The following PALM2AKAP2 variants were observed in gnomAD, a reference collection of about 807,000 sequenced individuals.
PALM2AKAP2 encodes the protein PALM2-AKAP2 fusion protein.
PALM2AKAP2 carries 37 observed loss-of-function variants against 71.5 expected under a neutral mutation model. The observed-to-expected ratio is 0.52, with a 90% confidence interval of 0.40 to 0.68. The LOEUF (loss-of-function observed/expected upper bound fraction) is 0.68, where lower values mean the gene tolerates loss of function less well. Among genes scored for constraint, PALM2AKAP2 ranks in the 30% least tolerant of loss-of-function variants. The probability of loss-of-function intolerance (pLI) is 0.00; values close to 1 mark genes in which losing one functional copy is unlikely to be tolerated. For synonymous variants in PALM2AKAP2, 468 were observed against 478.8 expected (o/e 0.98, Z 0.29); for missense variants, 1,224 against 1,191.8 (o/e 1.03, Z -0.40).
intron 1 of PALM2AKAP2, among the ~76,000 whole-genome samples, chr9:109,723,320 C>A (rs934806503): frequency 6.6e-6 from 1 of 152,180 alleles, no homozygotes; most frequent in Non-Finnish European, 1.5e-5. Flanking sequence ...CCAGCACCGA[C>A]CTTATGTAGC....
chr9:109,757,076 T>G lies in PALM2AKAP2; in HGVS notation c.6-23412T>G, dbSNP rs191742431. On this transcript the variant is annotated intron_variant, in intron 1 of 6. Transcript: ENST00000374531. ...ACATAACGTGTTCTATCTATCTGTA[T>G]GTTTGCGCCTATTCGCCAACCACTC... 2.0e-4 allele frequency among the ~76,000 whole-genome samples: 31 copies of G among 152,256 alleles called. No homozygotes were observed. The East Asian group carries it at 5.6e-3, about 28-fold the overall frequency.
chr9:109,965,075 T>G (rs190026505), intron 6 of PALM2AKAP2, among the ~76,000 whole-genome samples: 1 of 152,290 alleles, frequency 6.6e-6, no homozygotes, highest in Admixed American at 6.5e-5. Context: ...GAAAATAAAA[T>G]GTTTATTAGT....
chr9:109,988,824 C>A (rs1231600707), intron 6 of PALM2AKAP2, among the ~76,000 whole-genome samples: 1 of 152,178 alleles, frequency 6.6e-6, no homozygotes, highest in African/African-American at 2.4e-5. Context: ...CCCATAATTC[C>A]CACTTGTTTC....
intron 6 of PALM2AKAP2, among the ~76,000 whole-genome samples, chr9:109,969,606 G>A (rs940132814): frequency 2.6e-5 from 4 of 152,318 alleles, no homozygotes; most frequent in South Asian, 4.1e-4. Flanking sequence ...ATCATCACTG[G>A]TTCTCACTGG....
chr9:109,651,178 G>T (rs1229022214), intron 1 of PALM2AKAP2, among the ~76,000 whole-genome samples: 1 of 152,146 alleles, frequency 6.6e-6, no homozygotes, highest in East Asian at 1.9e-4. Context: ...TCAATGGAAG[G>T]CACCAGCAGG....
intron 1 of PALM2AKAP2, among the ~76,000 whole-genome samples, chr9:109,838,357 C>G (rs1828544281): frequency 6.6e-6 from 1 of 152,198 alleles, no homozygotes; most frequent in Non-Finnish European, 1.5e-5. Context: ...ATACCAGAAT[C>G]TCCGGGACAT....
At chr9:110,112,368 G>T (rs1156468937) in intron 1 of PALM2AKAP2, among the ~76,000 whole-genome samples, 1 of 152,104 alleles carries the variant, frequency 6.6e-6, no homozygotes, top group Admixed American at 6.5e-5. Flanking sequence ...GTGTCTTTGG[G>T]CAAATTACTT....
At chr9:109,881,548 A>G (rs940929987) in intron 3 of PALM2AKAP2, among the ~76,000 whole-genome samples, 3 of 152,188 alleles carry the variant, frequency 2.0e-5, no homozygotes, top group Admixed American at 6.5e-5. Flanking sequence ...TCTAAAAATT[A>G]ACTTTGTATT....
At chr9:109,902,200 G>T (rs553672969) in intron 3 of PALM2AKAP2, among the ~76,000 whole-genome samples, 1 of 152,274 alleles carries the variant, frequency 6.6e-6, no homozygotes, top group South Asian at 2.1e-4. Context: ...TGCAAAGTGG[G>T]AATCAATGAT....
intron 5 of PALM2AKAP2, 63 bp downstream of exon 5, chr9:109,925,145 A>G (rs1288894390): frequency 6.2e-7 from 1 of 1,606,972 alleles, no homozygotes; most frequent in Non-Finnish European, 8.5e-7. Context: ...AGGGGGTTTC[A>G]TTAACAGGGG....
upstream of PALM2AKAP2, among the ~76,000 whole-genome samples, chr9:109,779,618 A>G (rs1409647169): frequency 6.6e-6 from 1 of 152,218 alleles, no homozygotes; most frequent in Non-Finnish European, 1.5e-5. Flanking sequence ...TCTAGCACCC[A>G]GGACTAAAAA....
rs747873941 is a variant in PALM2AKAP2 at position 110,136,833 on chromosome 9, A to G, written c.863A>G (p.His288Arg). Residue 288 changes from histidine to arginine, a missense_variant, in exon 2 of 4, where the codon CAT (histidine) becomes CGT (arginine). His to Arg is a conservative substitution (Grantham distance 29, BLOSUM62 0). Coordinates refer to ENST00000374525, the Ensembl canonical transcript of PALM2AKAP2. Reference sequence around the variant, plus strand: ...TCCAAGCTCTTTGAGGATGACGAGCATGAGAAAGAACAATACTGCATTAGA... The same window carrying G: ...TCCAAGCTCTTTGAGGATGACGAGCGTGAGAAAGAACAATACTGCATTAGA... 6.2e-7 allele frequency: 1 copy of G among 1,614,248 alleles called. No homozygotes were observed. Among genetic ancestry groups the G allele is most frequent in the African/African-American group, 1.3e-5 (1 of 75,074 alleles).
intron 1 of PALM2AKAP2, among the ~76,000 whole-genome samples, chr9:110,077,988 TG>T (rs1293893199): frequency 2.0e-5 from 3 of 146,784 alleles, no homozygotes; most frequent in Non-Finnish European, 4.5e-5. Flanking sequence ...CACTCCAGCC[TG>T]GGTGACAGAG....
intron 1 of PALM2AKAP2, among the ~76,000 whole-genome samples, chr9:109,853,048 A>C (rs372949940): frequency 8.5e-5 from 13 of 152,246 alleles, no homozygotes; most frequent in African/African-American, 3.1e-4. Flanking sequence ...CCCAGTTGCC[A>C]GACGGACAGC....
At chr9:110,058,959 G>A (rs1833904060) in intron 1 of PALM2AKAP2, among the ~76,000 whole-genome samples, 1 of 145,688 alleles carries the variant, frequency 6.9e-6, no homozygotes, top group African/African-American at 2.6e-5. Context: ...GAGTGCAGTG[G>A]TGCAATCTCG....
intron 1 of PALM2AKAP2, among the ~76,000 whole-genome samples, chr9:109,824,991 TAA>T (rs963640686): frequency 2.0e-5 from 3 of 152,224 alleles, no homozygotes; most frequent in African/African-American, 7.2e-5. Context: ...AATTCAAATG[TAA>T]AAGTGTTTAC....
chr9:110,094,519 T>A (rs933886927), intron 1 of PALM2AKAP2, among the ~76,000 whole-genome samples: 1 of 151,748 alleles, frequency 6.6e-6, no homozygotes, highest in African/African-American at 2.4e-5. Context: ...TCTGGGGAGG[T>A]CTCAGGAAAC....
intron 7 of PALM2AKAP2, among the ~76,000 whole-genome samples, chr9:110,040,553 T>C (rs1227245830): frequency 6.6e-6 from 1 of 152,172 alleles, no homozygotes; most frequent in Non-Finnish European, 1.5e-5. Flanking sequence ...TTGGTCTTTT[T>C]CCCCCTAATA....
At chr9:109,885,547 A>G (rs1206740141) in intron 3 of PALM2AKAP2, among the ~76,000 whole-genome samples, 1 of 152,200 alleles carries the variant, frequency 6.6e-6, no homozygotes, top group African/African-American at 2.4e-5. Context: ...ATGAAATCCC[A>G]TTTTAATACC....
Sources: gnomAD v4.1 joint callset for allele counts (sites outside exome capture counted in the v4.1 genomes callset) on GRCh38, gnomAD v4.1.1 for gene constraint, MANE v1.5 for transcripts, NCBI Gene and HGNC (gene_info 2026-07-23, HGNC 2026-07-21) for gene names.